SLCO2B1: variants seen among roughly 807,000 people sequenced by gnomAD.
The protein encoded by SLCO2B1 is solute carrier organic anion transporter family member 2B1.
Under a neutral mutation model 67.3 loss-of-function variants are expected in SLCO2B1, and 41 were observed. That is an observed-to-expected ratio of 0.61 (90% confidence interval 0.47 to 0.79). SLCO2B1 has a LOEUF of 0.79. SLCO2B1 is among the 30% of genes least tolerant of loss of function. The probability of loss-of-function intolerance (pLI) is 0.00; values close to 1 mark genes in which losing one functional copy is unlikely to be tolerated. For missense variants in SLCO2B1, 837 were observed against 920.1 expected (o/e 0.91, Z 1.17); for synonymous variants, 379 against 381.4 (o/e 0.99, Z 0.07).
At chr11:75,181,382 A>AG (rs1257785994) in intron 7 of SLCO2B1, among the ~76,000 whole-genome samples, 8 of 151,416 alleles carry the variant, frequency 5.3e-5, no homozygotes, top group Non-Finnish European at 7.4e-5. Context: ...CAAAAAAAAA[A>AG]AAAAAAGAAA....
At chr11:75,200,890 G>C (rs1945171282) in intron 11 of SLCO2B1, 1 of 152,698 alleles carries the variant, frequency 6.5e-6, no homozygotes, top group Non-Finnish European at 1.5e-5. Context: ...ACTGCCTTTT[G>C]GGCCAAGATC....
intron 8 of SLCO2B1, among the ~76,000 whole-genome samples, chr11:75,191,639 C>G (rs1419608338): frequency 1.3e-5 from 2 of 152,198 alleles, no homozygotes; most frequent in African/African-American, 2.4e-5. Flanking sequence ...TGACAGAGGC[C>G]CTGGTCCTGC....
chr11:75,197,950 T>A (rs892830997), intron 10 of SLCO2B1, among the ~76,000 whole-genome samples: 2 of 152,144 alleles, frequency 1.3e-5, no homozygotes, highest in African/African-American at 4.8e-5. Context: ...CAGGCTGTAG[T>A]GAAGCTTGGG....
intron 7 of SLCO2B1, among the ~76,000 whole-genome samples, chr11:75,180,559 A>G (rs1339736713): frequency 6.6e-6 from 1 of 152,206 alleles, no homozygotes; most frequent in African/African-American, 2.4e-5. Flanking sequence ...AATATATTAT[A>G]TGGTATCTAT....
chr11:75,151,790 C>T (rs113520167), intron 1 of SLCO2B1: 18 of 220,560 alleles, frequency 8.2e-5, no homozygotes, highest in African/African-American at 3.4e-4. Flanking sequence ...CAGGCTCAAA[C>T]GAAGAGGCAC....
At position 75,193,267 on chromosome 11, in the gene SLCO2B1, G is replaced by T; in HGVS notation, c.1125G>T (p.Leu375=). ...LQTLRHPIFL[L]VVLSQVCLSS... ...CCCTACGCCACCCCATCTTCCTGCTGGTGGTCCTGTCCCAGGTATGCTTGT... is the reference window on the plus strand; with the variant it reads ...CCCTACGCCACCCCATCTTCCTGCTTGTGGTCCTGTCCCAGGTATGCTTGT... Residue 375 remains leucine (L), a synonymous_variant, in exon 9 of 14, where the codon CTG becomes CTT. Coordinates refer to ENST00000289575, the MANE Select transcript of SLCO2B1 (RefSeq NM_007256.5). This position sits in a 1 kb window ranked among gnomAD's most constrained non-coding sequence, Gnocchi z 4.2. The T allele has an allele frequency of 6.2e-7, 1 of 1,613,762 alleles. No homozygotes were observed. The highest frequency in any genetic ancestry group is 8.5e-7 in the Non-Finnish European group (1 of 1,179,984).
At chr11:75,187,090 CT>C (rs1188731790) in intron 7 of SLCO2B1, among the ~76,000 whole-genome samples, 1 of 152,158 alleles carries the variant, frequency 6.6e-6, no homozygotes, top group Non-Finnish European at 1.5e-5. Context: ...TGATTTTTGA[CT>C]CTTATTTCCT....
intron 1 of SLCO2B1, among the ~76,000 whole-genome samples, chr11:75,159,596 G>A (rs764475312): frequency 1.3e-4 from 20 of 152,218 alleles, no homozygotes; most frequent in Non-Finnish European, 2.5e-4. Flanking sequence ...TGCTGTCAGC[G>A]CGTCAGCAGA....
In SLCO2B1 at chr11:75,165,871, C is replaced by T. The variant is rs766728788; in HGVS notation, c.370C>T (p.Leu124Phe). 7.9e-5 allele frequency: 127 copies of T among 1,614,038 alleles called. 1 individual carries two copies. The highest frequency in any genetic ancestry group is 1.1e-4 in the Non-Finnish European group (126 of 1,179,992). The change falls in exon 4 of 14, where the codon CTT becomes TTT. Residue 124 changes from leucine to phenylalanine, a missense_variant. Physicochemically the swap from Leu to Phe is conservative, Grantham distance 22 (BLOSUM62 0). Coordinates refer to ENST00000289575, the MANE Select transcript of SLCO2B1 (RefSeq NM_007256.5). ...RPRMIGYGAI[L>F]VALAGLLMTL... ...CCGAATGATTGGCTATGGGGCTATC[C>T]TTGTGGCCCTGGCGGGCCTGCTCAT...
chr11:75,153,841 G>A (rs923258325), intron 1 of SLCO2B1, among the ~76,000 whole-genome samples: 4 of 152,096 alleles, frequency 2.6e-5, no homozygotes, highest in African/African-American at 9.7e-5. Context: ...GAAAGTATCT[G>A]AGGAGGAAGT....
At chr11:75,185,750 G>A (rs1414224808) in intron 7 of SLCO2B1, among the ~76,000 whole-genome samples, 4 of 152,062 alleles carry the variant, frequency 2.6e-5, no homozygotes, top group East Asian at 1.9e-4. Context: ...GGGTGTTCCC[G>A]AAAGTAAGAG....
intron 4 of SLCO2B1, among the ~76,000 whole-genome samples, chr11:75,168,108 G>C (rs1949914518): frequency 6.6e-6 from 1 of 152,022 alleles, no homozygotes; most frequent in Admixed American, 6.6e-5. Flanking sequence ...GGCCAGCCTG[G>C]TCTCAAACTC....
intron 1 of SLCO2B1, among the ~76,000 whole-genome samples, chr11:75,158,199 C>T (rs905476768): frequency 1.3e-5 from 2 of 152,120 alleles, no homozygotes; most frequent in Non-Finnish European, 2.9e-5. Context: ...CTCGGCCTCC[C>T]GAGTAGCTGG....
chr11:75,172,518 G>C lies in SLCO2B1; in HGVS notation c.921G>C (p.Glu307Asp). The change falls in exon 7 of 14, where the codon GAG (glutamate) becomes GAC (aspartate). Residue 307 changes from glutamate (E) to aspartate (D), a missense_variant. Transcript: ENST00000289575. ...AGGAAATGCCCAAGGAAAAACGTGA[G>C]CTTCAGTTTCGGCGAAAGGTCTTAG... ...FPKEMPKEKRELQFRRKVLAV... is the reference protein window; with the variant it reads ...FPKEMPKEKRDLQFRRKVLAV... 6.2e-7 allele frequency: 1 copy of C among 1,614,194 alleles called. No homozygotes were observed. Among genetic ancestry groups the C allele is most frequent in the South Asian group, 1.1e-5 (1 of 91,082 alleles).
In SLCO2B1 at chr11:75,202,949, G is replaced by A; in HGVS notation, c.1812G>A (p.Met604Ile). 1 of 1,613,946 alleles carries A rather than the reference G, an allele frequency of 6.2e-7. No homozygotes were observed. Among genetic ancestry groups the A allele is most frequent in the Non-Finnish European group, 8.5e-7 (1 of 1,179,962 alleles). The change falls in exon 12 of 14, where the codon ATG becomes ATA. Residue 604 changes from methionine to isoleucine, a missense_variant. By Grantham distance (10) the Met-to-Ile change is conservative (BLOSUM62 1). Coordinates refer to ENST00000289575, the MANE Select transcript of SLCO2B1 (RefSeq NM_007256.5). ...DKTLAVGIQF[M>I]FLRILAWMPS... is the part of the protein sequence containing the mutation. Reference sequence around the variant, plus strand: ...CTTTGGCTGTGGGCATCCAGTTCATGTTCCTGAGGATTTTGGGTAAAGATC... The same window carrying A: ...CTTTGGCTGTGGGCATCCAGTTCATATTCCTGAGGATTTTGGGTAAAGATC...
In SLCO2B1 at chr11:75,193,849, A is replaced by C. The variant is rs1353562920; in HGVS notation, c.1433+274A>C. On this transcript the variant is annotated intron_variant, in intron 9 of 13. Coordinates refer to ENST00000289575, the MANE Select transcript of SLCO2B1 (RefSeq NM_007256.5). The surrounding 1 kb of genome is among the most constrained non-coding windows in gnomAD (Gnocchi z 4.2). ...GGGTGTGGAGGCTGAGATAGGGCAG[A>C]GCCACCCATGGGATGGCATGTCCAG... 6.6e-6 allele frequency among the ~76,000 whole-genome samples: 1 copy of C among 152,188 alleles called. No homozygotes were observed. The highest frequency in any genetic ancestry group is 1.5e-5 in the Non-Finnish European group (1 of 68,022).
chr11:75,170,451 G>A (rs1265190170), intron 6 of SLCO2B1, among the ~76,000 whole-genome samples: 2 of 152,110 alleles, frequency 1.3e-5, no homozygotes, highest in African/African-American at 4.8e-5. Flanking sequence ...CCAGGGTTCT[G>A]GAGTCCTTGG....
intron 7 of SLCO2B1, among the ~76,000 whole-genome samples, chr11:75,182,490 C>T (rs1221916736): frequency 6.6e-6 from 1 of 152,208 alleles, no homozygotes; most frequent in African/African-American, 2.4e-5. Flanking sequence ...CGCCTGTAAT[C>T]TCAGCACTTT....
intron 2 of SLCO2B1, 87 bp downstream of exon 2, chr11:75,162,872 C>G: frequency 6.9e-7 from 1 of 1,452,592 alleles, no homozygotes; most frequent in East Asian, 2.3e-5. Flanking sequence ...GGAAGACTTT[C>G]TCTGAGCCTC....
Sources: gnomAD v4.1 joint callset for allele counts (sites outside exome capture counted in the v4.1 genomes callset) on GRCh38, gnomAD v4.1.1 for gene constraint, Gnocchi (gnomAD v3.1) non-coding constraint, MANE v1.5 for transcripts, NCBI Gene and HGNC (gene_info 2026-07-23, HGNC 2026-07-21) for gene names.